TRPM6: variants seen among roughly 807,000 people sequenced by gnomAD.
TRPM6 encodes the protein channel kinase 2.
Under a neutral mutation model 247.6 loss-of-function variants are expected in TRPM6, and 111 were observed. The observed-to-expected ratio is 0.45, with a 90% CI of 0.38 to 0.52. The LOEUF is 0.52. Among genes scored for constraint, TRPM6 ranks in the 20% least tolerant of loss-of-function variants. The pLI, the probability that TRPM6 is intolerant of heterozygous loss-of-function variation, is 0.00. For synonymous variants in TRPM6, 892 were observed against 853.8 expected (o/e 1.04, Z -0.78); for missense variants, 2,126 against 2,421.5 (o/e 0.88, Z 2.56).
At chr9:74,830,243 T>A (rs888711917) in intron 6 of TRPM6, among the ~76,000 whole-genome samples, 1 of 151,774 alleles carries the variant, frequency 6.6e-6, no homozygotes, top group East Asian at 1.9e-4. Flanking sequence ...ATCAGGGAAA[T>A]GTAAATAAGA....
intron 7 of TRPM6, among the ~76,000 whole-genome samples, chr9:74,824,798 G>A (rs952875686): frequency 6.6e-6 from 1 of 152,002 alleles, no homozygotes; most frequent in African/African-American, 2.4e-5. Flanking sequence ...CACATCCTTA[G>A]AGTCTTACAA....
At chr9:74,783,919 G>A (rs535550575) in intron 21 of TRPM6, among the ~76,000 whole-genome samples, 1 of 152,242 alleles carries the variant, frequency 6.6e-6, no homozygotes, top group East Asian at 1.9e-4. Context: ...TTGAGACACT[G>A]TACTTATTAA....
chr9:74,733,795 T>A (rs1825603122), intron 36 of TRPM6, among the ~76,000 whole-genome samples: 1 of 152,004 alleles, frequency 6.6e-6, no homozygotes, highest in Non-Finnish European at 1.5e-5. Context: ...CGACCTTAGA[T>A]GATCTGCCCA....
rs375889298 is a variant in TRPM6, at chr9:74,860,675, A to G, written c.34-1927T>C. ...CACCCAACCCAGAATCACAGAACTT[A>G]AAAGGAACTAAATGAACAGGGAATT... On this transcript the variant is annotated intron_variant, in intron 1 of 38. Transcript: ENST00000360774. Among the ~76,000 whole-genome samples the G allele has an allele frequency of 7.2e-5, 11 of 152,242 alleles. No individual in the cohort carries two copies. In the East Asian group the frequency reaches 1.9e-3, roughly 27 times the overall value.
At chr9:74,758,930 T>C (rs759000580) in intron 27 of TRPM6, among the ~76,000 whole-genome samples, 8 of 152,046 alleles carry the variant, frequency 5.3e-5, no homozygotes, top group Non-Finnish European at 8.8e-5. Flanking sequence ...TTTAGCAAGG[T>C]TGCAAAATAT....
intron 2 of TRPM6, 47 bp downstream of exon 2, chr9:74,858,622 A>T: frequency 8.2e-7 from 1 of 1,222,408 alleles, no homozygotes. Flanking sequence ...TAAATAGTCC[A>T]TCAGGTAGTG....
intron 35 of TRPM6, 28 bp from the exon 36 acceptor site, chr9:74,738,640 C>T: frequency 6.3e-7 from 1 of 1,599,398 alleles, no homozygotes; most frequent in South Asian, 1.1e-5. Flanking sequence ...GCCATTGATC[C>T]CCCACAATAC....
At chr9:74,749,411 A>G (rs1258032108) in intron 30 of TRPM6, among the ~76,000 whole-genome samples, 1 of 152,226 alleles carries the variant, frequency 6.6e-6, no homozygotes, top group Non-Finnish European at 1.5e-5. Context: ...TTGTTTTTTA[A>G]TTAGCTTTGT....
chr9:74,738,322 C>A lies in TRPM6; in HGVS notation c.5776+85G>T, dbSNP rs1442936478. On this transcript the variant is annotated intron_variant, in intron 36 of 38. Coordinates refer to ENST00000360774, the MANE Select transcript of TRPM6 (RefSeq NM_017662.5). ...CCCTTCAAAGCTAAATAGAGCAACT[C>A]CATATATTACCCATCCTGGTTCTTG... The A allele has an allele frequency of 2.8e-6, 4 of 1,407,128 alleles. No individual in the cohort carries two copies. In the African/African-American group the frequency reaches 5.7e-5, roughly 20 times the overall value. 87.2% of individuals were successfully genotyped at this position (1,407,128 alleles called of 1,614,324 possible).
intron 5 of TRPM6, among the ~76,000 whole-genome samples, chr9:74,834,683 C>T (rs1222738572): frequency 6.7e-6 from 1 of 149,526 alleles, no homozygotes; most frequent in Non-Finnish European, 1.5e-5. Flanking sequence ...TGTTCAATTC[C>T]CACCTATGAG....
At chr9:74,831,050 T>G (rs138132334) in intron 6 of TRPM6, among the ~76,000 whole-genome samples, 11 of 152,002 alleles carry the variant, frequency 7.2e-5, no homozygotes, top group African/African-American at 2.7e-4. Flanking sequence ...ATCACAATAT[T>G]ATTATTATTA....
At chr9:74,820,134 T>G in intron 9 of TRPM6, 170 bp downstream of exon 9, 1 of 687,834 alleles carries the variant, frequency 1.5e-6, no homozygotes, top group Non-Finnish European at 2.5e-6. Flanking sequence ...TCTCCATGCA[T>G]TAGCTATTTA....
At chr9:74,769,937 G>A (rs1484484001) in intron 25 of TRPM6, among the ~76,000 whole-genome samples, 1 of 152,154 alleles carries the variant, frequency 6.6e-6, no homozygotes, top group African/African-American at 2.4e-5. Context: ...GGAGAACCAA[G>A]CTTGCCCGTC....
chr9:74,831,499 A>G (rs1440967327), intron 6 of TRPM6, among the ~76,000 whole-genome samples: 1 of 152,160 alleles, frequency 6.6e-6, no homozygotes, highest in Non-Finnish European at 1.5e-5. Flanking sequence ...CTGGGAAAAA[A>G]ATAAAAATAA....
At chr9:74,828,450 A>G (rs1829426636) in intron 6 of TRPM6, among the ~76,000 whole-genome samples, 1 of 152,176 alleles carries the variant, frequency 6.6e-6, no homozygotes, top group African/African-American at 2.4e-5. Context: ...TAATGGACCG[A>G]TATGTGATCC....
rs371990882 is a variant in TRPM6 at position 74,739,453 on chromosome 9, C to T, written c.5488-4G>A. The T allele has an allele frequency of 7.4e-5, 120 of 1,613,386 alleles. No homozygotes were observed. Among genetic ancestry groups the T allele is most frequent in the Non-Finnish European group, 9.9e-5 (117 of 1,179,486 alleles). On this transcript the variant is annotated splice_polypyrimidine_tract_variant and splice_region_variant and intron_variant, in intron 34 of 38. Transcript: ENST00000360774. ...CAGCTCTTTGTTGTTGAATTTCCTA[C>T]AAAATAGGGAGCACTGATAAAAATA...
rs1826598432 is a variant in TRPM6 at position 74,760,784 on chromosome 9, A to C, written c.4785+912T>G. Among the ~76,000 whole-genome samples, 4 of 152,322 alleles carry C rather than the reference A, an allele frequency of 2.6e-5. No homozygotes were observed. The South Asian group carries it at 8.3e-4, about 32-fold the overall frequency. On this transcript the variant is annotated intron_variant, in intron 27 of 38. Transcript: ENST00000360774. Reference sequence around the variant, plus strand: ...AATCATATTAAGAGATGGAGACTTTAAGAGGTGACTGGATCATGAGGGCTC... The same window carrying C: ...AATCATATTAAGAGATGGAGACTTTCAGAGGTGACTGGATCATGAGGGCTC...
rs569575497 is a variant in TRPM6, at chr9:74,842,378, A to C, written c.153-35T>G. 2.7e-5 allele frequency: 43 copies of C among 1,605,676 alleles called. 1 individual carries two copies. The South Asian group carries it at 4.6e-4, about 17-fold the overall frequency. On this transcript the variant is annotated intron_variant, in intron 3 of 38. Transcript: ENST00000360774. Reference sequence around the variant, plus strand: ...AAGACCAAAAAAAAACTCAACTTCAAAATAGAAAATAGATGCAATATGTCT... The same window carrying C: ...AAGACCAAAAAAAAACTCAACTTCACAATAGAAAATAGATGCAATATGTCT...
chr9:74,764,991 C>T (rs1264507722), intron 25 of TRPM6, among the ~76,000 whole-genome samples: 1 of 151,966 alleles, frequency 6.6e-6, no homozygotes, highest in African/African-American at 2.4e-5. Flanking sequence ...TATATCATAA[C>T]AGCATTTGTT....
Sources: allele counts gnomAD v4.1 joint callset (sites outside exome capture counted in the v4.1 genomes callset), GRCh38; gene constraint gnomAD v4.1.1; transcripts MANE v1.5; gene names NCBI Gene and HGNC (gene_info 2026-07-23, HGNC 2026-07-21).